GRID2: variants seen among roughly 807,000 people sequenced by gnomAD.
The protein encoded by GRID2 is glutamate ionotropic receptor delta type subunit 2, also known as glutamate receptor ionotropic, delta-2.
GRID2 carries 33 observed loss-of-function variants against 114.8 expected under a neutral mutation model. The ratio of observed to expected loss-of-function variants is 0.29; its 90% CI spans 0.22 to 0.38. The LOEUF (loss-of-function observed/expected upper bound fraction) is 0.38. GRID2 is among the 10% of genes least tolerant of loss of function. The pLI, the probability that GRID2 is intolerant of heterozygous loss-of-function variation, is 1.00. For synonymous variants in GRID2, 505 were observed against 449.9 expected, an observed-to-expected ratio of 1.12 and a Z score of -1.55; for missense variants, 1,184 against 1,257.7, an observed-to-expected ratio of 0.94 and a Z score of 0.89.
intron 2 of GRID2, chr4:92,884,596 G>A (rs72883968): frequency 0.07 from 10,925 of 155,734 alleles, 476 homozygotes; most frequent in Middle Eastern, 0.11. Context: ...TGAATTCTTA[G>A]AGGCCACGGC....
chr4:93,521,154 G>C (rs1489656328), intron 13 of GRID2, among the ~76,000 whole-genome samples: 1 of 152,132 alleles, frequency 6.6e-6, no homozygotes, highest in Non-Finnish European at 1.5e-5. Context: ...TGGAGGGATG[G>C]AGTTGCCATT....
At chr4:93,381,462 A>G (rs989909837) in intron 8 of GRID2, among the ~76,000 whole-genome samples, 1 of 152,128 alleles carries the variant, frequency 6.6e-6, no homozygotes, top group Non-Finnish European at 1.5e-5. Flanking sequence ...CTTGTTTTCT[A>G]TATGGCTTAT....
intron 2 of GRID2, among the ~76,000 whole-genome samples, chr4:92,597,155 T>C (rs1728994712): frequency 6.6e-6 from 1 of 152,088 alleles, no homozygotes; most frequent in African/African-American, 2.4e-5. Flanking sequence ...TGACTCACAG[T>C]TCCACATGGC....
intron 2 of GRID2, among the ~76,000 whole-genome samples, chr4:92,615,052 G>A (rs145014527): frequency 2.0e-5 from 3 of 151,278 alleles, no homozygotes; most frequent in African/African-American, 7.3e-5. Context: ...TAAACAGGGT[G>A]GCTTAAACAA....
At chr4:92,920,306 G>T (rs1317047408) in intron 2 of GRID2, among the ~76,000 whole-genome samples, 1 of 152,086 alleles carries the variant, frequency 6.6e-6, no homozygotes, top group African/African-American at 2.4e-5. Context: ...TATCCAATTT[G>T]CCAGACTGTG....
intron 2 of GRID2, among the ~76,000 whole-genome samples, chr4:92,951,598 G>A (rs1160537721): frequency 1.3e-5 from 2 of 151,970 alleles, no homozygotes; most frequent in South Asian, 2.1e-4. Context: ...CAAAGTGTGT[G>A]ACTAAAGTTA....
At chr4:92,853,306 A>T (rs575580940) in intron 2 of GRID2, among the ~76,000 whole-genome samples, 1 of 152,198 alleles carries the variant, frequency 6.6e-6, no homozygotes, top group Non-Finnish European at 1.5e-5. Context: ...AAACTCTAAC[A>T]TGGATATAAA....
chr4:93,422,685 T>C (rs994024393), intron 9 of GRID2, 86 bp from the exon 10 acceptor site: 4 of 816,490 alleles, frequency 4.9e-6, no homozygotes, highest in Non-Finnish European at 7.9e-6. Context: ...AATTTTTAGA[T>C]TTAATCAAAA....
chr4:93,703,687 T>A (rs1467699180), intron 14 of GRID2, among the ~76,000 whole-genome samples: 4 of 125,452 alleles, frequency 3.2e-5, no homozygotes, highest in African/African-American at 1.2e-4. Context: ...GATGTTCCCC[T>A]TCCTGTGTCC....
chr4:93,000,097 G>T (rs574731077), intron 2 of GRID2, among the ~76,000 whole-genome samples: 5 of 151,730 alleles, frequency 3.3e-5, no homozygotes, highest in African/African-American at 1.2e-4. Context: ...TAAGAAAGGT[G>T]CTTCCATTGG....
chr4:93,377,820 G>C (rs11941449), intron 8 of GRID2, among the ~76,000 whole-genome samples: 33,414 of 151,694 alleles, frequency 0.22, 5,486 homozygotes, highest in African/African-American at 0.46. Context: ...TACTTTACTT[G>C]CTACAGTAAC....
chr4:92,958,542 C>T (rs1752582788), intron 2 of GRID2, among the ~76,000 whole-genome samples: 1 of 152,066 alleles, frequency 6.6e-6, no homozygotes, highest in South Asian at 2.1e-4. Flanking sequence ...GCATACAATT[C>T]TTTTTATACA....
chr4:93,497,535 T>A (rs757360810), intron 12 of GRID2, among the ~76,000 whole-genome samples: 1 of 151,882 alleles, frequency 6.6e-6, no homozygotes, highest in Non-Finnish European at 1.5e-5. Flanking sequence ...GTTAATTTTG[T>A]ATAAAGTGCA....
At position 92,460,032 on chromosome 4, in the gene GRID2, C is replaced by CTCTATATATATATATATATATA. The variant is rs749790235; in HGVS notation, c.89-130098_89-130097insCTATATATATATATATATATAT. Among the ~76,000 whole-genome samples the CTCTATATATATATATATATATA allele has an allele frequency of 5.0e-3, 242 of 48,132 alleles. 2 individuals carry two copies. Among genetic ancestry groups the CTCTATATATATATATATATATA allele is most frequent in the African/African-American group, 8.9e-3 (87 of 9,804 alleles). The allele number at this position is 48,132 out of a possible 152,430, so 31.6% of individuals were successfully genotyped here. ...AGCCCATTCCTTAAAATAAATCTCA[C>CTCTATATATATATATATATATA]TATATATATATATATATATATACAC... is the stretch of plus-strand genomic sequence containing the variant. On this transcript the variant is annotated intron_variant, in intron 1 of 15. Coordinates refer to ENST00000282020, the MANE Select transcript of GRID2 (RefSeq NM_001510.4).
At chr4:93,359,109 T>G (rs1450906478) in intron 8 of GRID2, among the ~76,000 whole-genome samples, 1 of 152,088 alleles carries the variant, frequency 6.6e-6, no homozygotes, top group Non-Finnish European at 1.5e-5. Flanking sequence ...ATAGCTGATC[T>G]GGGATACCTT....
Position 92,665,945 on chromosome 4 carries a change from T to G in GRID2, c.244+75659T>G, listed in dbSNP as rs188296408. ...CGAATTCATTAAAGTTCTTGAATGT[T>G]TATATTCCTGTCTTTCCTCAAATTT... On this transcript the variant is annotated intron_variant, in intron 2 of 15. Coordinates refer to ENST00000282020, the MANE Select transcript of GRID2 (RefSeq NM_001510.4). Among the ~76,000 whole-genome samples, 612 of 151,670 alleles carry G rather than the reference T, an allele frequency of 4.0e-3. 7 individuals carry two copies. The highest frequency in any genetic ancestry group is 0.014 in the African/African-American group (577 of 41,500).
chr4:92,654,143 A>G (rs925607401), intron 2 of GRID2, among the ~76,000 whole-genome samples: 4 of 151,930 alleles, frequency 2.6e-5, no homozygotes, highest in Non-Finnish European at 5.9e-5. Flanking sequence ...TTAAGCAACA[A>G]TTTATTTTTC....
rs182297617 is a variant in GRID2, at chr4:92,479,481, G to A, written c.89-110650G>A. Reference sequence around the variant, plus strand: ...AACTATATTAATCAACAAATATGTAGCATTTTCAATACCTCCGTATTGTTC... The same window carrying A: ...AACTATATTAATCAACAAATATGTAACATTTTCAATACCTCCGTATTGTTC... On this transcript the variant is annotated intron_variant, in intron 1 of 15. Transcript: ENST00000282020. 9.6e-4 allele frequency among the ~76,000 whole-genome samples: 146 copies of A among 152,208 alleles called. 2 individuals carry two copies. Among genetic ancestry groups the A allele is most frequent in the Non-Finnish European group, 1.3e-4 (9 of 67,978 alleles).
intron 2 of GRID2, among the ~76,000 whole-genome samples, chr4:92,678,310 G>A (rs143417799): frequency 4.3e-4 from 65 of 152,070 alleles, no homozygotes; most frequent in African/African-American, 1.5e-3. Context: ...TTATAAATTC[G>A]ATAAGGGCAG....
Sources: gnomAD v4.1 joint callset for allele counts (sites outside exome capture counted in the v4.1 genomes callset) on GRCh38, gnomAD v4.1.1 for gene constraint, MANE v1.5 for transcripts, NCBI Gene and HGNC (gene_info 2026-07-23, HGNC 2026-07-21) for gene names.